The following YLPM1 variants were observed in gnomAD, a reference collection of about 807,000 sequenced individuals.
YLPM1 encodes YLP motif-containing protein 1.
A neutral mutation model predicts 230.0 loss-of-function variants in YLPM1; 99 were observed. The ratio of observed to expected loss-of-function variants is 0.43; its 90% CI spans 0.37 to 0.51. The LOEUF (loss-of-function observed/expected upper bound fraction) is 0.51. Ranked by LOEUF, YLPM1 falls within the 20% of genes least tolerant of loss-of-function variation. YLPM1 has a pLI of 0.00. For missense variants in YLPM1, 2,592 were observed against 2,707.7 expected (o/e 0.96, Z 0.95); for synonymous variants, 984 against 942.5 (o/e 1.04, Z -0.81).
chr14:74,789,170 A>G (rs1483868418), intron 4 of YLPM1, among the ~76,000 whole-genome samples: 5 of 152,206 alleles, frequency 3.3e-5, no homozygotes, highest in East Asian at 1.9e-4. Context: ...CAATAAATTT[A>G]TCTGTTAGTG....
intron 16 of YLPM1, 84 bp downstream of exon 16, chr14:74,818,398 A>C: frequency 1.1e-5 from 13 of 1,148,060 alleles, no homozygotes; most frequent in Non-Finnish European, 1.5e-5. Context: ...ACCTACAGAA[A>C]AGTTATATGA....
intron 4 of YLPM1, among the ~76,000 whole-genome samples, chr14:74,784,936 C>A (rs988063370): frequency 2.0e-5 from 3 of 151,940 alleles, no homozygotes; most frequent in African/African-American, 4.8e-5. Context: ...AGAATGAACA[C>A]TTACTTCAGA....
At chr14:74,779,894 C>T (rs976336132) in intron 2 of YLPM1, among the ~76,000 whole-genome samples, 1 of 151,662 alleles carries the variant, frequency 6.6e-6, no homozygotes, top group African/African-American at 2.4e-5. Flanking sequence ...ACCTCTGCCT[C>T]CAAGGTTCAA....
chr14:74,770,629 A>T (rs967009714), intron 1 of YLPM1, among the ~76,000 whole-genome samples: 5 of 66,164 alleles, frequency 7.6e-5, no homozygotes, highest in African/African-American at 1.5e-4. Flanking sequence ...CATCTCAGTT[A>T]AAAAAAAAGA....
intron 4 of YLPM1, among the ~76,000 whole-genome samples, chr14:74,789,051 A>G (rs1451795817): frequency 6.6e-6 from 1 of 152,180 alleles, no homozygotes; most frequent in Non-Finnish European, 1.5e-5. Context: ...CTTTGCAGTG[A>G]CTTCATCATA....
At chr14:74,773,280 T>TC (rs1404526840) in intron 1 of YLPM1, among the ~76,000 whole-genome samples, 2 of 151,032 alleles carry the variant, frequency 1.3e-5, no homozygotes, top group Non-Finnish European at 1.5e-5. Flanking sequence ...AGAGCGAGAC[T>TC]CCATCTCAAG....
intron 19 of YLPM1, among the ~76,000 whole-genome samples, chr14:74,832,504 C>T (rs1004778248): frequency 1.3e-5 from 2 of 152,070 alleles, no homozygotes; most frequent in Non-Finnish European, 2.9e-5. Context: ...CAGAGTCTCA[C>T]TCTGTTGCCC....
chr14:74,810,271 G>A lies in YLPM1; in HGVS notation c.5079G>A (p.Glu1693=). The A allele has an allele frequency of 6.2e-7, 1 of 1,613,832 alleles. No individual in the cohort carries two copies. The highest frequency in any genetic ancestry group is 8.5e-7 in the Non-Finnish European group (1 of 1,179,846). ...GTTATGATAGAGAAAGAGATCGTGA[G>A]CCTTATTTTGATCGTCAAAGTAATG... The part of the protein sequence containing the change: ...RDRYDRERDR[E]PYFDRQSNVI... The change falls in exon 9 of 21, where the codon GAG becomes GAA. Residue 1693 remains glutamate (E), a synonymous_variant. Transcript: ENST00000325680.
chr14:74,821,026 T>TC, intron 16 of YLPM1, 31 bp from the exon 17 acceptor site: 1 of 1,434,572 alleles, frequency 7.0e-7, no homozygotes, highest in Non-Finnish European at 9.2e-7. Context: ...GTTAACTCAG[T>TC]CTTTTTTTTT....
intron 16 of YLPM1, 30 bp from the exon 17 acceptor site, chr14:74,821,027 C>CTTTT: frequency 6.1e-6 from 8 of 1,313,652 alleles, no homozygotes; most frequent in East Asian, 5.7e-5. Context: ...TTAACTCAGT[C>CTTTT]TTTTTTTTTT....
At chr14:74,768,973 A>C (rs530279826) in intron 1 of YLPM1, among the ~76,000 whole-genome samples, 33 of 152,074 alleles carry the variant, frequency 2.2e-4, no homozygotes, top group Non-Finnish European at 4.0e-4. Context: ...GAGAACAAAT[A>C]TATTTTAAAT....
At chr14:74,821,925 T>C (rs1029058640) in intron 17 of YLPM1, 1 of 152,224 alleles carries the variant, frequency 6.6e-6, no homozygotes, top group Non-Finnish European at 1.5e-5. Context: ...CCTCATATTC[T>C]TTTGAAAATG....
intron 19 of YLPM1, among the ~76,000 whole-genome samples, chr14:74,830,566 G>A (rs1399036900): frequency 3.3e-5 from 5 of 152,106 alleles, no homozygotes; most frequent in African/African-American, 4.8e-5. Flanking sequence ...GTGTTAGTCC[G>A]TTTGCGTTGC....
In YLPM1 at chr14:74,829,118, C is replaced by T. The variant is rs1288660715; in HGVS notation, c.6164-95C>T. 2.7e-6 allele frequency: 4 copies of T among 1,489,856 alleles called. No homozygotes were observed. In the South Asian group the frequency reaches 3.8e-5, roughly 14 times the overall value. The allele number at this position is 1,489,856 out of a possible 1,614,324, so 92.3% of individuals were successfully genotyped here. A position where few individuals can be genotyped will look rare whatever the true frequency, so the allele number is the denominator to read the frequency against. ...CTGCACTCAAAAATGTGGATATGCC[C>T]TCTGAAAGCGTTCCAGCCTTCTTTT... On this transcript the variant is annotated intron_variant, in intron 18 of 20. Transcript: ENST00000325680.
intron 6 of YLPM1, among the ~76,000 whole-genome samples, chr14:74,808,759 G>A (rs1021804887): frequency 1.1e-4 from 17 of 150,444 alleles, no homozygotes; most frequent in African/African-American, 4.2e-4. Context: ...AGCTGAGATC[G>A]CGCCATTGCA....
Position 74,764,201 on chromosome 14 carries a change from G to A in YLPM1, c.712G>A (p.Gly238Ser). Reference sequence around the variant, plus strand: ...GGCATCTCCTTCCCGCCCCTCCCAGGGCCATTCTAAATCCCAACTACTAGC... The same window carrying A: ...GGCATCTCCTTCCCGCCCCTCCCAGAGCCATTCTAAATCCCAACTACTAGC... ...SQASPSRPSQ[G>S]HSKSQLLAPP... Residue 238 changes from glycine to serine, a missense_variant, in exon 1 of 21, where the codon GGC (glycine) becomes AGC (serine). Gly to Ser is a moderately conservative substitution (Grantham distance 56, BLOSUM62 0). Transcript: ENST00000325680. The A allele has an allele frequency of 6.2e-7, 1 of 1,613,122 alleles. No individual in the cohort carries two copies. The highest frequency in any genetic ancestry group is 8.5e-7 in the Non-Finnish European group (1 of 1,179,716).
chr14:74,830,779 C>T (rs1432782770), intron 19 of YLPM1, among the ~76,000 whole-genome samples: 1 of 152,156 alleles, frequency 6.6e-6, no homozygotes, highest in Non-Finnish European at 1.5e-5. Flanking sequence ...GTCCCAACTC[C>T]TTTTAACAAC....
At chr14:74,767,773 T>C (rs1295850574) in intron 1 of YLPM1, among the ~76,000 whole-genome samples, 3 of 152,238 alleles carry the variant, frequency 2.0e-5, no homozygotes, top group African/African-American at 7.2e-5. Flanking sequence ...CTGCATTGTC[T>C]GCTTTTTCAT....
chr14:74,832,669 C>T (rs913763385), intron 19 of YLPM1, among the ~76,000 whole-genome samples: 1 of 152,060 alleles, frequency 6.6e-6, no homozygotes, highest in Non-Finnish European at 1.5e-5. Context: ...GACGGGGTTT[C>T]GCCATGTTGG....
Sources: gnomAD v4.1 joint callset for allele counts (sites outside exome capture counted in the v4.1 genomes callset) on GRCh38, gnomAD v4.1.1 for gene constraint, MANE v1.5 for transcripts, NCBI Gene and HGNC (gene_info 2026-07-23, HGNC 2026-07-21) for gene names.